Variants in ARFGEF1 observed in about 807,000 individuals in gnomAD.
The protein encoded by ARFGEF1 is ARF guanine nucleotide exchange factor 1, also known as brefeldin A-inhibited guanine nucleotide-exchange protein 1.
In ARFGEF1, 42 loss-of-function variants were observed where a neutral mutation model predicts 231.0. The observed-to-expected ratio is 0.18, with a 90% CI of 0.14 to 0.24. The LOEUF is 0.24. ARFGEF1 is among the 10% of genes least tolerant of loss of function. ARFGEF1 has a pLI of 1.00. For missense variants in ARFGEF1, 1,345 were observed against 2,192.0 expected, an observed-to-expected ratio of 0.61 and a Z score of 7.72; for synonymous variants, 710 against 732.3, an observed-to-expected ratio of 0.97 and a Z score of 0.49.
intron 22 of ARFGEF1, among the ~76,000 whole-genome samples, chr8:67,237,661 C>T (rs1358827369): frequency 6.6e-6 from 1 of 152,186 alleles, no homozygotes; most frequent in Admixed American, 6.5e-5. Context: ...TTAATCCTAA[C>T]AATCCTATGA....
In ARFGEF1 at chr8:67,306,081, T is replaced by G. The variant is rs1806730464; in HGVS notation, c.125-3615A>C. ...TTTTCTTAAGTTGAGAACTTTCACC[T>G]TTTCACCTAAAGGAAGCACTTCACA... is the stretch of plus-strand genomic sequence containing the variant. On this transcript the variant is annotated intron_variant, in intron 1 of 38. Transcript: ENST00000262215. Among the ~76,000 whole-genome samples, 3 of 152,182 alleles carry G rather than the reference T, an allele frequency of 2.0e-5. No homozygotes were observed. In the South Asian group the frequency reaches 6.2e-4, roughly 32 times the overall value.
chr8:67,206,755 A>G (rs1266353591), intron 34 of ARFGEF1, among the ~76,000 whole-genome samples: 1 of 152,254 alleles, frequency 6.6e-6, no homozygotes, highest in Non-Finnish European at 1.5e-5. Flanking sequence ...TCTCAGGGGC[A>G]GCTTTGGCAG....
At chr8:67,177,795 C>G (rs1373212766) in intron 5 of ARFGEF1, 2 of 1,041,420 alleles carry the variant, frequency 1.9e-6, no homozygotes, top group South Asian at 1.3e-5. Flanking sequence ...ATATGATGAT[C>G]AAGTAATTCA....
At chr8:67,230,792 T>TA in intron 23 of ARFGEF1, among the ~76,000 whole-genome samples, 1 of 152,142 alleles carries the variant, frequency 6.6e-6, no homozygotes, top group Non-Finnish European at 1.5e-5. Context: ...TAACAACACA[T>TA]AAAAAATTCT....
chr8:67,336,365 A>T (rs1219392653), intron 1 of ARFGEF1, among the ~76,000 whole-genome samples: 1 of 152,248 alleles, frequency 6.6e-6, no homozygotes, highest in East Asian at 1.9e-4. Context: ...AAAGAAATCA[A>T]AATGGGTCTG....
Position 67,197,969 on chromosome 8 carries a change from C to T in ARFGEF1, c.*965G>A. 3.3e-5 allele frequency: 33 copies of T among 985,784 alleles called. No individual in the cohort carries two copies. Among genetic ancestry groups the T allele is most frequent in the Non-Finnish European group, 4.0e-5 (33 of 829,920 alleles). 61.1% of individuals were successfully genotyped at this position (985,784 alleles called of 1,614,324 possible). Reference sequence around the variant, plus strand: ...AATATATTCAACGTTAAATTCTGTACATAGAGTAAAATCTACATCAAGCCC... The same window carrying T: ...AATATATTCAACGTTAAATTCTGTATATAGAGTAAAATCTACATCAAGCCC... On this transcript the variant is annotated 3_prime_UTR_variant, in exon 39 of 39. Transcript: ENST00000262215.
rs755181312 is a variant in ARFGEF1, at chr8:67,203,069, C to T, written c.5128+14G>A. 3.2e-5 allele frequency: 52 copies of T among 1,605,490 alleles called. No individual in the cohort carries two copies. The Admixed American group carries it at 6.6e-4, about 20-fold the overall frequency. On this transcript the variant is annotated intron_variant, in intron 36 of 38. Coordinates refer to ENST00000262215, the MANE Select transcript of ARFGEF1 (RefSeq NM_006421.5). ...TCAACAGTAAACATTAAATGTGAGG[C>T]GTGTGCAGCTTACCTGCTTTCCACA...
At chr8:67,260,990 A>C (rs954525614) in intron 14 of ARFGEF1, among the ~76,000 whole-genome samples, 3 of 152,208 alleles carry the variant, frequency 2.0e-5, no homozygotes, top group Non-Finnish European at 4.4e-5. Flanking sequence ...AAAGGCCCCA[A>C]CTCTCTTCAA....
At chr8:67,220,625 G>A (rs1402192071) in intron 29 of ARFGEF1, among the ~76,000 whole-genome samples, 1 of 152,116 alleles carries the variant, frequency 6.6e-6, no homozygotes, top group Non-Finnish European at 1.5e-5. Context: ...AGAAACTCCC[G>A]GGAAAGAAAG....
intron 1 of ARFGEF1, among the ~76,000 whole-genome samples, chr8:67,326,086 C>A (rs923644068): frequency 6.6e-6 from 1 of 152,122 alleles, no homozygotes; most frequent in Non-Finnish European, 1.5e-5. Flanking sequence ...GTAGTCCCAG[C>A]TACTTAGGAG....
At chr8:67,339,756 T>C (rs1808518349) in intron 1 of ARFGEF1, among the ~76,000 whole-genome samples, 1 of 104,598 alleles carries the variant, frequency 9.6e-6, no homozygotes, top group Non-Finnish European at 1.8e-5. Context: ...CCTGGGCCTG[T>C]GGGCTTCTTA....
At chr8:67,277,662 G>A (rs1805369185) in intron 7 of ARFGEF1, among the ~76,000 whole-genome samples, 1 of 152,142 alleles carries the variant, frequency 6.6e-6, no homozygotes, top group Non-Finnish European at 1.5e-5. Context: ...AGTTGCTCTG[G>A]CAATGAAACA....
intron 29 of ARFGEF1, among the ~76,000 whole-genome samples, chr8:67,222,265 A>G (rs1563846704): frequency 7.5e-6 from 1 of 132,662 alleles, no homozygotes; most frequent in Non-Finnish European, 1.6e-5. Flanking sequence ...GTATGTATGT[A>G]TGTATTTTTT....
At chr8:67,236,814 C>A (rs1839785366) in intron 22 of ARFGEF1, among the ~76,000 whole-genome samples, 1 of 152,142 alleles carries the variant, frequency 6.6e-6, no homozygotes, top group African/African-American at 2.4e-5. Context: ...ATGTGTGTAT[C>A]TTTCTGTAAA....
chr8:67,316,545 A>T (rs1308092710), intron 1 of ARFGEF1, among the ~76,000 whole-genome samples: 1 of 151,836 alleles, frequency 6.6e-6, no homozygotes, highest in Admixed American at 6.6e-5. Context: ...ACTGCAGCCT[A>T]AACCTCCCCA....
At chr8:67,260,071 T>C (rs1196499395) in intron 14 of ARFGEF1, 145 bp from the exon 15 acceptor site, 4 of 422,144 alleles carry the variant, frequency 9.5e-6, no homozygotes, top group African/African-American at 6.1e-5. Flanking sequence ...ACAAAATAAT[T>C]ACATTGTGCC....
At chr8:67,228,341 G>T in intron 23 of ARFGEF1, 77 bp from the exon 24 acceptor site, 3 of 1,355,922 alleles carry the variant, frequency 2.2e-6, no homozygotes, top group Non-Finnish European at 2.0e-6. Flanking sequence ...GTGGCATGGG[G>T]TACTAGCTAT....
rs1358530735 is a variant in ARFGEF1, at chr8:67,240,268, G to C, written c.2873C>G (p.Ala958Gly). 4 of 1,603,638 alleles carry C rather than the reference G, an allele frequency of 2.5e-6. No homozygotes were observed. The African/African-American group carries it at 5.4e-5, about 22-fold the overall frequency. The change falls in exon 20 of 39, where the codon GCT becomes GGT. Residue 958 changes from alanine (A) to glycine (G), a missense_variant. Transcript: ENST00000262215. ...ATCTTGTAGACCCACACTGAATGCA[G>C]CCAGAAAAGGCGTCCAAGCCAACTA... ...MFKLAWTPFLAAFSVGLQDCD... is the reference protein window; with the variant it reads ...MFKLAWTPFLGAFSVGLQDCD...
chr8:67,222,216 T>TATATATACACACACAC, intron 29 of ARFGEF1, among the ~76,000 whole-genome samples: 1 of 125,168 alleles, frequency 8.0e-6, no homozygotes, highest in African/African-American at 3.1e-5. Flanking sequence ...CACACACATA[T>TATATATACACACACAC]ATATATATGT....
Sources: gnomAD v4.1 joint callset for allele counts (sites outside exome capture counted in the v4.1 genomes callset) on GRCh38, gnomAD v4.1.1 for gene constraint, MANE v1.5 for transcripts, NCBI Gene and HGNC (gene_info 2026-07-23, HGNC 2026-07-21) for gene names.